Variants in DIP2C observed in about 807,000 individuals in gnomAD.
DIP2C encodes the protein disco-interacting protein 2 homolog C.
Under a neutral mutation model 192.4 loss-of-function variants are expected in DIP2C, and 33 were observed. The observed-to-expected ratio is 0.17, with a 90% CI of 0.13 to 0.23. The LOEUF (loss-of-function observed/expected upper bound fraction) is 0.23. Ranked by LOEUF, DIP2C falls within the 10% of genes least tolerant of loss-of-function variation. The pLI is 1.00. For synonymous variants in DIP2C, 979 were observed against 864.1 expected (o/e 1.13, Z -2.33); for missense variants, 1,537 against 2,110.1 (o/e 0.73, Z 5.32).
intron 3 of DIP2C, among the ~76,000 whole-genome samples, chr10:468,107 G>GA (rs926716308): frequency 1.3e-5 from 2 of 152,062 alleles, no homozygotes; most frequent in Non-Finnish European, 2.9e-5. Flanking sequence ...CGGTTCAGGA[G>GA]AAAGAAAAAA....
intron 1 of DIP2C, among the ~76,000 whole-genome samples, chr10:576,805 G>A (rs1306862628): frequency 1.3e-5 from 2 of 152,178 alleles, no homozygotes; most frequent in African/African-American, 4.8e-5. Context: ...TACTTGGGAA[G>A]CTGAAGCATA....
chr10:680,843 A>G (rs1356085216), intron 1 of DIP2C, among the ~76,000 whole-genome samples: 3 of 152,258 alleles, frequency 2.0e-5, no homozygotes, highest in Admixed American at 6.5e-5. Context: ...CTCCTGAGAC[A>G]GAGGACCTGA....
At chr10:614,003 TCC>T (rs1853273698) in intron 1 of DIP2C, among the ~76,000 whole-genome samples, 1 of 152,126 alleles carries the variant, frequency 6.6e-6, no homozygotes, top group African/African-American at 2.4e-5. Context: ...CCAGGCATTA[TCC>T]TAAACCAGTG....
chr10:423,315 T>C lies in DIP2C; in HGVS notation c.395-282A>G, dbSNP rs117675818. On this transcript the variant is annotated intron_variant, in intron 4 of 36. Coordinates refer to ENST00000280886, the MANE Select transcript of DIP2C (RefSeq NM_014974.3). ...GACCCATTTCCTCTACACAGCAGTT[T>C]GGGAAGAAACCAAGTGTTTGCTTGT... Among the ~76,000 whole-genome samples, 618 of 152,346 alleles carry C rather than the reference T, an allele frequency of 4.1e-3. 1 individual carries two copies. The highest frequency in any genetic ancestry group is 0.013 in the East Asian group (70 of 5,192).
At chr10:565,354 T>TAAAAAAAAAAAAAAAAAAAAAA (rs59721670) in intron 1 of DIP2C, among the ~76,000 whole-genome samples, 12 of 114,098 alleles carry the variant, frequency 1.1e-4, no homozygotes, top group African/African-American at 4.5e-4. Context: ...ACCTGCATTC[T>TAAAAAAAAAAAAAAAAAAAAAA]AAAAAAAAAA....
At chr10:593,698 C>G (rs1164179155) in intron 1 of DIP2C, among the ~76,000 whole-genome samples, 1 of 152,148 alleles carries the variant, frequency 6.6e-6, no homozygotes, top group Non-Finnish European at 1.5e-5. Flanking sequence ...GCCTGGGGCA[C>G]CACCTGAACA....
chr10:665,406 A>G (rs912436891), intron 1 of DIP2C: 4 of 152,214 alleles, frequency 2.6e-5, no homozygotes, highest in African/African-American at 9.6e-5. Context: ...TATGTAATCT[A>G]AAGAAAAAGT....
Position 574,891 on chromosome 10 carries a change from A to C in DIP2C, c.86-88361T>G, listed in dbSNP as rs545894458. 1.4e-4 allele frequency among the ~76,000 whole-genome samples: 21 copies of C among 152,302 alleles called. 1 individual carries two copies. The South Asian group carries it at 4.4e-3, about 32-fold the overall frequency. On this transcript the variant is annotated intron_variant, in intron 1 of 36. Transcript: ENST00000280886. ...CCTGCTGTTACAATTTACTGGGTTTAATGTGATTCGGTTTGTCACAGAAGA... is the reference window on the plus strand; with the variant it reads ...CCTGCTGTTACAATTTACTGGGTTTCATGTGATTCGGTTTGTCACAGAAGA...
chr10:621,483 C>T (rs1853845405), intron 1 of DIP2C, among the ~76,000 whole-genome samples: 1 of 152,188 alleles, frequency 6.6e-6, no homozygotes, highest in Non-Finnish European at 1.5e-5. Flanking sequence ...GAGTCTATGC[C>T]AATATGAGCA....
At chr10:319,810 G>A (rs900671649) in intron 31 of DIP2C, among the ~76,000 whole-genome samples, 2 of 152,220 alleles carry the variant, frequency 1.3e-5, no homozygotes, top group East Asian at 1.9e-4. Flanking sequence ...TCTAAATTTT[G>A]TTCTGTTTTT....
chr10:511,850 A>G (rs1846033513), intron 1 of DIP2C, among the ~76,000 whole-genome samples: 1 of 152,274 alleles, frequency 6.6e-6, no homozygotes, highest in South Asian at 2.1e-4. Flanking sequence ...CTGTAAGAAC[A>G]AAGTGAGCCT....
intron 1 of DIP2C, among the ~76,000 whole-genome samples, chr10:597,701 C>G (rs983064873): frequency 6.6e-6 from 1 of 152,224 alleles, no homozygotes; most frequent in Non-Finnish European, 1.5e-5. Context: ...CTAACAATTA[C>G]GTAAGTCTTC....
At chr10:608,175 CACA>C (rs1359967173) in intron 1 of DIP2C, among the ~76,000 whole-genome samples, 1 of 56,584 alleles carries the variant, frequency 1.8e-5, no homozygotes, top group Non-Finnish European at 2.8e-5. Context: ...GCCCCCCCCA[CACA>C]CACCCCACAC....
rs541362451 is a variant in DIP2C, at chr10:295,527, G to GTCCCA, written c.3987-7111_3987-7107dup. Among the ~76,000 whole-genome samples, 331 of 139,978 alleles carry GTCCCA rather than the reference G, an allele frequency of 2.4e-3. 4 individuals carry two copies. Among genetic ancestry groups the GTCCCA allele is most frequent in the Middle Eastern group, 7.4e-3 (2 of 270 alleles). 91.8% of individuals were successfully genotyped at this position (139,978 alleles called of 152,430 possible). A position where few individuals can be genotyped will look rare whatever the true frequency, so the allele number is the denominator to read the frequency against. On this transcript the variant is annotated intron_variant, in intron 32 of 36. Transcript: ENST00000280886. ...AGTGAGCCGAGATAGCGCCACTGCA[G>GTCCCA]TCCCACCTGGGCGAAAGAACGAGAC...
At chr10:390,700 G>A (rs771511855) in intron 11 of DIP2C, 40 bp downstream of exon 11, 7 of 1,599,236 alleles carry the variant, frequency 4.4e-6, no homozygotes, top group Non-Finnish European at 6.0e-6. Flanking sequence ...TTCTGACAAA[G>A]GACGTGGGCA....
intron 1 of DIP2C, among the ~76,000 whole-genome samples, chr10:601,356 T>A (rs1852062616): frequency 2.2e-5 from 1 of 46,196 alleles, no homozygotes; most frequent in African/African-American, 3.8e-5. Context: ...ATTCCCATTT[T>A]AGATGTCCAA....
intron 3 of DIP2C, among the ~76,000 whole-genome samples, chr10:457,558 C>CT (rs200740677): frequency 2.0e-5 from 3 of 152,006 alleles, no homozygotes; most frequent in Non-Finnish European, 4.4e-5. Context: ...AGATTAAATT[C>CT]TTTTTTTTCT....
At chr10:348,554 G>A (rs916328717) in intron 26 of DIP2C, 87 bp downstream of exon 26, 2 of 1,547,374 alleles carry the variant, frequency 1.3e-6, no homozygotes, top group African/African-American at 1.4e-5. Context: ...GCCAGCAGCT[G>A]CCCCAAGAGA....
At chr10:528,072 A>C (rs1847160519) in intron 1 of DIP2C, among the ~76,000 whole-genome samples, 1 of 152,146 alleles carries the variant, frequency 6.6e-6, no homozygotes. Flanking sequence ...GTCTGGAAGG[A>C]ACCTGGATCC....
Sources: allele counts gnomAD v4.1 joint callset (sites outside exome capture counted in the v4.1 genomes callset), GRCh38; gene constraint gnomAD v4.1.1; transcripts MANE v1.5; gene names NCBI Gene and HGNC (gene_info 2026-07-23, HGNC 2026-07-21).